ESRRG: variants seen among roughly 807,000 people sequenced by gnomAD.
The protein encoded by ESRRG is estrogen-related receptor gamma.
A neutral mutation model predicts 44.0 loss-of-function variants in ESRRG; 13 were observed. The ratio of observed to expected loss-of-function variants is 0.30; its 90% CI spans 0.19 to 0.47. The LOEUF is 0.47. Among genes scored for constraint, ESRRG ranks in the 20% least tolerant of loss-of-function variants. ESRRG has a pLI of 1.00. For missense variants in ESRRG, 395 were observed against 580.6 expected (o/e 0.68, Z 3.29); for synonymous variants, 215 against 214.6 (o/e 1.00, Z -0.02).
At chr1:217,002,189 C>G (rs569601212) in intron 1 of ESRRG, among the ~76,000 whole-genome samples, 1 of 151,426 alleles carries the variant, frequency 6.6e-6, no homozygotes, top group Non-Finnish European at 1.5e-5. Flanking sequence ...GTAATTCCAG[C>G]TACCCTGGTG....
At chr1:217,120,768 C>A (rs141918279) in intron 1 of ESRRG, among the ~76,000 whole-genome samples, 2 of 152,200 alleles carry the variant, frequency 1.3e-5, no homozygotes, top group African/African-American at 4.8e-5. Flanking sequence ...TTCGCTCATA[C>A]GTACCAACTT....
chr1:216,531,102 A>G (rs999424145), intron 5 of ESRRG, among the ~76,000 whole-genome samples: 3 of 152,196 alleles, frequency 2.0e-5, no homozygotes, highest in African/African-American at 7.2e-5. Context: ...CATTAAAAAC[A>G]AAGTGCCATA....
chr1:216,855,073 G>C (rs2095906772), intron 2 of ESRRG: 1 of 152,116 alleles, frequency 6.6e-6, no homozygotes, highest in Non-Finnish European at 1.5e-5. Flanking sequence ...TAAGCTCTAG[G>C]GGTCAATGTC....
At chr1:216,596,934 T>TG (rs1410981416) in intron 3 of ESRRG, among the ~76,000 whole-genome samples, 2 of 151,844 alleles carry the variant, frequency 1.3e-5, no homozygotes, top group African/African-American at 4.8e-5. Flanking sequence ...TATATTGGGT[T>TG]TTTTTGGCCC....
At position 216,824,117 on chromosome 1, in the gene ESRRG, G is replaced by A. The variant is rs948319985; in HGVS notation, c.-14+115465C>T. Among the ~76,000 whole-genome samples, 5 of 152,252 alleles carry A rather than the reference G, an allele frequency of 3.3e-5. 1 individual carries two copies. The highest frequency in any genetic ancestry group is 6.8e-3 in the Middle Eastern group (2 of 294). On this transcript the variant is annotated intron_variant, in intron 2 of 7. Transcript: ENST00000359162. ...TCCTAGGGCCGCATTAGGGAGCAAC[G>A]CCCAACATCTTTTCAAGTGTCTTGC...
chr1:217,071,445 G>T (rs2090551641), intron 1 of ESRRG, among the ~76,000 whole-genome samples: 1 of 151,916 alleles, frequency 6.6e-6, no homozygotes, highest in African/African-American at 2.4e-5. Context: ...ATAAGATAGG[G>T]GTAAAAATAT....
At chr1:216,604,777 T>A (rs2059705503) in intron 3 of ESRRG, among the ~76,000 whole-genome samples, 1 of 152,258 alleles carries the variant, frequency 6.6e-6, no homozygotes, top group East Asian at 1.9e-4. Context: ...TTCCTTGGCC[T>A]GTACCATCTA....
chr1:217,015,731 A>AATTTTTTTTTTTTTTTTTTTT lies in ESRRG; in HGVS notation c.-106+73775_-106+73776insAAAAAAAAAAAAAAAAAAAAT, dbSNP rs759911532. On this transcript the variant is annotated intron_variant, in intron 1 of 7. Coordinates refer to the ESRRG transcript ENST00000359162. Reference sequence around the variant, plus strand: ...GTGGGGGGTGAGAGGGGGCAGCTAGATTTTTTTTTTTTTTTGAGACAGAGT... The same window carrying AATTTTTTTTTTTTTTTTTTTT: ...GTGGGGGGTGAGAGGGGGCAGCTAGAATTTTTTTTTTTTTTTTTTTTTTTTTTTTTTTTTTTGAGACAGAGT... Among the ~76,000 whole-genome samples the AATTTTTTTTTTTTTTTTTTTT allele has an allele frequency of 1.4e-5, 2 of 142,116 alleles. 1 individual carries two copies. 93.2% of individuals were successfully genotyped at this position (142,116 alleles called of 152,430 possible).
chr1:216,686,690 G>A (rs1039715554), intron 1 of ESRRG, among the ~76,000 whole-genome samples: 2 of 152,038 alleles, frequency 1.3e-5, no homozygotes, highest in African/African-American at 4.8e-5. Context: ...TCCTTTCCCA[G>A]GGAGCCCTGA....
In ESRRG at chr1:216,595,831, A is replaced by AT. The variant is rs959583542; in HGVS notation, c.590-27734dup. Reference sequence around the variant, plus strand: ...ATTATGAAAACACAGCATCAATAGCATTTTTTTTCCACATAATTTTGGTAG... The same window carrying AT: ...ATTATGAAAACACAGCATCAATAGCATTTTTTTTTCCACATAATTTTGGTAG... On this transcript the variant is annotated intron_variant, in intron 3 of 6. Coordinates refer to ENST00000408911, the MANE Select transcript of ESRRG (RefSeq NM_001438.4). Among the ~76,000 whole-genome samples the AT allele has an allele frequency of 5.3e-5, 8 of 152,228 alleles. No individual in the cohort carries two copies. In the South Asian group the frequency reaches 1.0e-3, roughly 20 times the overall value.
intron 5 of ESRRG, among the ~76,000 whole-genome samples, chr1:216,532,280 G>A (rs1350174043): frequency 6.6e-6 from 1 of 152,104 alleles, no homozygotes; most frequent in Non-Finnish European, 1.5e-5. Flanking sequence ...AGTGTGGACT[G>A]TACTTTTCCA....
chr1:217,005,425 A>T (rs1016125564), intron 1 of ESRRG, among the ~76,000 whole-genome samples: 1 of 152,190 alleles, frequency 6.6e-6, no homozygotes, highest in Admixed American at 6.5e-5. Flanking sequence ...CCAGCTCAAT[A>T]AGCCAAATCA....
At chr1:216,679,756 T>C (rs2076733627) in intron 1 of ESRRG, among the ~76,000 whole-genome samples, 1 of 152,044 alleles carries the variant, frequency 6.6e-6, no homozygotes. Flanking sequence ...CACCCCAATT[T>C]TCTTTTTTTC....
chr1:217,103,536 G>T (rs2092549801), intron 1 of ESRRG, among the ~76,000 whole-genome samples: 1 of 151,612 alleles, frequency 6.6e-6, no homozygotes. Context: ...ATGTGCTTGT[G>T]GTCCCAGCTA....
At chr1:216,753,253 C>T (rs763189860) in intron 2 of ESRRG, among the ~76,000 whole-genome samples, 7 of 151,760 alleles carry the variant, frequency 4.6e-5, no homozygotes, top group Non-Finnish European at 8.8e-5. Context: ...TCTTGTATTC[C>T]TGTATCGAAA....
Position 217,137,185 on chromosome 1 carries a change from A to T in ESRRG, c.-230+482T>A, listed in dbSNP as rs143796917. 3.8e-4 allele frequency among the ~76,000 whole-genome samples: 58 copies of T among 152,258 alleles called. No homozygotes were observed. The Middle Eastern group carries it at 0.01, about 27-fold the overall frequency. On this transcript the variant is annotated intron_variant, in intron 1 of 8. Transcript: ENST00000366940. ...ACGCCTAACCTCTACTAGTACCCCAAAGGGCAAAAACCAAACAGGGTCCCC... is the reference window on the plus strand; with the variant it reads ...ACGCCTAACCTCTACTAGTACCCCATAGGGCAAAAACCAAACAGGGTCCCC...
At chr1:216,559,458 G>A (rs1222039614) in intron 5 of ESRRG, among the ~76,000 whole-genome samples, 2 of 152,178 alleles carry the variant, frequency 1.3e-5, no homozygotes, top group African/African-American at 4.8e-5. Context: ...CACATTTTTA[G>A]TCAACAAATC....
At chr1:216,553,229 C>T (rs890981148) in intron 5 of ESRRG, among the ~76,000 whole-genome samples, 43 of 152,196 alleles carry the variant, frequency 2.8e-4, no homozygotes, top group African/African-American at 5.3e-4. Context: ...CTGGCACAAA[C>T]GTGCTGACTG....
At chr1:216,944,841 A>G (rs529303761) in intron 1 of ESRRG, among the ~76,000 whole-genome samples, 133 of 152,122 alleles carry the variant, frequency 8.7e-4, no homozygotes, top group Non-Finnish European at 1.8e-3. Context: ...AATAACAGAG[A>G]TCAACTCACA....
Sources: allele counts gnomAD v4.1 joint callset (sites outside exome capture counted in the v4.1 genomes callset), GRCh38; gene constraint gnomAD v4.1.1; transcripts MANE v1.5; gene names NCBI Gene and HGNC (gene_info 2026-07-23, HGNC 2026-07-21).